Variants in RGS7 observed in about 807,000 individuals in gnomAD.
RGS7 encodes regulator of G protein signaling 7, also known as regulator of G-protein signaling 7.
In RGS7, 27 loss-of-function variants were observed where a neutral mutation model predicts 81.1. The ratio of observed to expected loss-of-function variants is 0.33; its 90% confidence interval spans 0.25 to 0.46. The LOEUF is 0.46. Among genes scored for constraint, RGS7 ranks in the 20% least tolerant of loss-of-function variants. The pLI is 1.00. For missense variants in RGS7, 396 were observed against 607.4 expected (o/e 0.65, Z 3.66); for synonymous variants, 208 against 207.7 (o/e 1.00, Z -0.01).
At chr1:241,340,801 G>C (rs1488954025) in intron 2 of RGS7, among the ~76,000 whole-genome samples, 5 of 152,156 alleles carry the variant, frequency 3.3e-5, no homozygotes, top group African/African-American at 4.8e-5. Context: ...AGTAGAGGCT[G>C]AATTTGGAGG....
At chr1:241,004,543 C>A (rs927086021) in intron 3 of RGS7, among the ~76,000 whole-genome samples, 1 of 152,084 alleles carries the variant, frequency 6.6e-6, no homozygotes, top group Non-Finnish European at 1.5e-5. Flanking sequence ...AAAAAGCACA[C>A]GAACTTAATG....
At chr1:241,306,433 T>A (rs2080142816) in intron 2 of RGS7, among the ~76,000 whole-genome samples, 1 of 131,644 alleles carries the variant, frequency 7.6e-6, no homozygotes, top group Non-Finnish European at 1.6e-5. Flanking sequence ...ATACACCCTT[T>A]ACACACACCC....
chr1:240,937,322 G>T (rs1306347498), intron 4 of RGS7, among the ~76,000 whole-genome samples: 1 of 152,160 alleles, frequency 6.6e-6, no homozygotes, highest in Non-Finnish European at 1.5e-5. Context: ...GAAATCCTTT[G>T]TTTGAGTGCT....
intron 2 of RGS7, among the ~76,000 whole-genome samples, chr1:241,295,544 T>A (rs2079373590): frequency 6.6e-6 from 1 of 152,030 alleles, no homozygotes; most frequent in Non-Finnish European, 1.5e-5. Context: ...AAAGGTGAAA[T>A]GTCCCAAAAG....
intron 2 of RGS7, among the ~76,000 whole-genome samples, chr1:241,259,079 C>T (rs1001451391): frequency 7.2e-5 from 11 of 152,138 alleles, no homozygotes; most frequent in African/African-American, 1.9e-4. Flanking sequence ...TTCACTTCTT[C>T]GCTCACTCCC....
intron 2 of RGS7, among the ~76,000 whole-genome samples, chr1:241,250,632 A>G (rs961255913): frequency 1.3e-5 from 2 of 152,210 alleles, no homozygotes; most frequent in African/African-American, 2.4e-5. Flanking sequence ...TGCATGAGTC[A>G]TCCATACTCA....
At chr1:241,230,067 T>A (rs915436366) in intron 2 of RGS7, among the ~76,000 whole-genome samples, 1 of 46,844 alleles carries the variant, frequency 2.1e-5, no homozygotes, top group African/African-American at 1.1e-4. Flanking sequence ...TATATTTAAG[T>A]TTTTTTTTTT....
chr1:240,785,546 G>GC (rs1684923179), intron 18 of RGS7, among the ~76,000 whole-genome samples: 1 of 152,180 alleles, frequency 6.6e-6, no homozygotes, highest in Non-Finnish European at 1.5e-5. Flanking sequence ...TTGATTATTT[G>GC]CAAGAGCTGA....
chr1:241,026,645 G>A (rs1335012733), intron 3 of RGS7, among the ~76,000 whole-genome samples: 1 of 152,058 alleles, frequency 6.6e-6, no homozygotes, highest in Non-Finnish European at 1.5e-5. Flanking sequence ...CTGGGCACTG[G>A]ACAGCTAACA....
chr1:241,306,446 A>C (rs563489075), intron 2 of RGS7, among the ~76,000 whole-genome samples: 3 of 145,654 alleles, frequency 2.1e-5, no homozygotes, highest in East Asian at 2.1e-4. Context: ...ACACACCCCC[A>C]CACAGGCACA....
chr1:241,293,959 T>C (rs2079239758), intron 2 of RGS7, among the ~76,000 whole-genome samples: 4 of 152,216 alleles, frequency 2.6e-5, no homozygotes, highest in African/African-American at 9.7e-5. Flanking sequence ...CTAAAGGATA[T>C]AAATCATTCT....
chr1:240,899,891 G>T (rs1669699498), intron 6 of RGS7, among the ~76,000 whole-genome samples: 1 of 152,108 alleles, frequency 6.6e-6, no homozygotes, highest in Admixed American at 6.5e-5. Context: ...TTTCCAACTT[G>T]GTTCCATTCT....
At chr1:241,355,568 T>C (rs2083510275) in intron 2 of RGS7, 131 bp downstream of exon 2, 2 of 814,328 alleles carry the variant, frequency 2.5e-6, no homozygotes, top group Non-Finnish European at 4.3e-6. Context: ...TTCACGTATA[T>C]AGTACATAAT....
At chr1:241,040,165 ACCC>A (rs2060538044) in intron 3 of RGS7, among the ~76,000 whole-genome samples, 2 of 152,188 alleles carry the variant, frequency 1.3e-5, no homozygotes, top group Admixed American at 1.3e-4. Context: ...TCTCCTTTAG[ACCC>A]CTCTCAGCCT....
chr1:240,975,131 C>G (rs1394038100), intron 4 of RGS7, among the ~76,000 whole-genome samples: 2 of 152,044 alleles, frequency 1.3e-5, no homozygotes, highest in Non-Finnish European at 1.5e-5. Context: ...CGGCCGGGTG[C>G]GGTGGCTCAC....
At chr1:240,944,282 G>GTA (rs760788169) in intron 4 of RGS7, among the ~76,000 whole-genome samples, 28 of 55,780 alleles carry the variant, frequency 5.0e-4, no homozygotes, top group East Asian at 1.4e-3. Context: ...GTGTGTGTGT[G>GTA]TATATATATA....
intron 3 of RGS7, among the ~76,000 whole-genome samples, chr1:240,991,267 G>A (rs1263470298): frequency 6.6e-6 from 1 of 152,256 alleles, no homozygotes; most frequent in Non-Finnish European, 1.5e-5. Context: ...CTCTTCAGAC[G>A]CAAAGCAGGC....
chr1:241,113,606 G>C lies in RGS7; in HGVS notation c.79-14844C>G, dbSNP rs563117780. Among the ~76,000 whole-genome samples the C allele has an allele frequency of 3.9e-5, 6 of 152,332 alleles. No homozygotes were observed. In the East Asian group the frequency reaches 9.6e-4, roughly 24 times the overall value. On this transcript the variant is annotated intron_variant, in intron 2 of 18. Coordinates refer to ENST00000440928, the MANE Select transcript of RGS7 (RefSeq NM_001364886.1). ...GATACTCGCATGGATAAACAACTTTGATAACCTCTGGTGTAAAGAACGTGG... is the reference window on the plus strand; with the variant it reads ...GATACTCGCATGGATAAACAACTTTCATAACCTCTGGTGTAAAGAACGTGG...
intron 2 of RGS7, among the ~76,000 whole-genome samples, chr1:241,255,819 T>C (rs745742299): frequency 1.6e-4 from 24 of 152,198 alleles, no homozygotes; most frequent in Admixed American, 2.6e-4. Context: ...AACTCCCAAA[T>C]GGGTGTTCAC....
Sources: allele counts gnomAD v4.1 joint callset (sites outside exome capture counted in the v4.1 genomes callset), GRCh38; gene constraint gnomAD v4.1.1; transcripts MANE v1.5; gene names NCBI Gene and HGNC (gene_info 2026-07-23, HGNC 2026-07-21).